Variants in PCDHGB4 observed in about 807,000 individuals in gnomAD.
PCDHGB4 encodes the protein protocadherin gamma-B4.
PCDHGB4 carries 38 observed loss-of-function variants against 60.5 expected under a neutral mutation model. The ratio of observed to expected loss-of-function variants is 0.63; its 90% CI spans 0.48 to 0.82. The LOEUF (loss-of-function observed/expected upper bound fraction) is 0.82, where lower values mean the gene tolerates loss of function less well. PCDHGB4 is among the 40% of genes least tolerant of loss of function. PCDHGB4 has a pLI of 0.00. For missense variants in PCDHGB4, 1,109 were observed against 1,209.6 expected (o/e 0.92, Z 1.23); for synonymous variants, 456 against 509.7 (o/e 0.89, Z 1.42).
At chr5:141,498,372 C>A (rs1008996197) in intron 2 of PCDHGB4, among the ~76,000 whole-genome samples, 3 of 151,730 alleles carry the variant, frequency 2.0e-5, no homozygotes, top group Admixed American at 1.3e-4. Flanking sequence ...GTGGTGAGGC[C>A]TCCTGGGATC....
At position 141,431,851 on chromosome 5, in the gene PCDHGB4, A is replaced by G. The variant is rs2097423722; in HGVS notation, c.2397+41570A>G. 1 of 1,614,264 alleles carries G rather than the reference A, an allele frequency of 6.2e-7. No individual in the cohort carries two copies. The highest frequency in any genetic ancestry group is 1.1e-5 in the South Asian group (1 of 91,088). ...TTCCCGAAAACTCTCCCAGAGGGAC[A>G]TTAATTGCCCTTTTAAATGTAAATG... On this transcript the variant is annotated intron_variant, in intron 1 of 3. Coordinates refer to ENST00000519479, the MANE Select transcript of PCDHGB4 (RefSeq NM_003736.4). This position sits in a 1 kb window ranked among gnomAD's most constrained non-coding sequence, Gnocchi z 4.8.
chr5:141,423,753 G>A (rs758300730), intron 1 of PCDHGB4: 1 of 626,096 alleles, frequency 1.6e-6, no homozygotes, highest in Non-Finnish European at 2.0e-6. Context: ...AACTGTTTGG[G>A]GGGGGGGTGG....
At chr5:141,501,516 C>A (rs763346187) in intron 2 of PCDHGB4, among the ~76,000 whole-genome samples, 1 of 152,010 alleles carries the variant, frequency 6.6e-6, no homozygotes, top group Non-Finnish European at 1.5e-5. Flanking sequence ...GGCCTCCAAG[C>A]TGAAGCCCAG....
chr5:141,395,788 C>A (rs1254748153), intron 1 of PCDHGB4: 2 of 152,198 alleles, frequency 1.3e-5, no homozygotes, highest in African/African-American at 4.8e-5. Context: ...AACTTTAATA[C>A]TTCTTACCAT....
rs764070772 is a variant in PCDHGB4, at chr5:141,476,415, C to T, written c.2398-18392C>T. ...CTGGATCGAGAGGAGCTGTGTGGGACACTGCCCTCTTGCACTGTAACTCTG... is the reference window on the plus strand; with the variant it reads ...CTGGATCGAGAGGAGCTGTGTGGGATACTGCCCTCTTGCACTGTAACTCTG... On this transcript the variant is annotated intron_variant, in intron 1 of 3. Transcript: ENST00000519479. This position sits in a 1 kb window ranked among gnomAD's most constrained non-coding sequence, Gnocchi z 7.6. 2.5e-6 allele frequency: 4 copies of T among 1,614,098 alleles called. No homozygotes were observed. The South Asian group carries it at 4.4e-5, about 18-fold the overall frequency.
intron 1 of PCDHGB4, chr5:141,426,320 G>A (rs2096927622): frequency 1.1e-5 from 2 of 175,034 alleles, no homozygotes; most frequent in South Asian, 1.3e-4. Context: ...AGCAGGACCC[G>A]GCAGTGGCAA....
intron 1 of PCDHGB4, chr5:141,430,668 C>T (rs538633559): frequency 1.6e-6 from 2 of 1,243,872 alleles, no homozygotes; most frequent in East Asian, 2.5e-5. Context: ...GGAGCTCTGA[C>T]TTCCCAACTG....
At chr5:141,484,950 T>G in intron 1 of PCDHGB4, 1 of 561,950 alleles carries the variant, frequency 1.8e-6, no homozygotes, top group Non-Finnish European at 3.2e-6. Context: ...GCTCAGCCTA[T>G]TGGCTGAGCC....
chr5:141,390,851 G>T (rs2092239783), intron 1 of PCDHGB4: 1 of 157,664 alleles, frequency 6.3e-6, no homozygotes. Context: ...ATTATATGCA[G>T]TGTACGCTGT....
intron 1 of PCDHGB4, chr5:141,422,871 G>T (rs769543752): frequency 3.7e-6 from 6 of 1,614,098 alleles, no homozygotes; most frequent in Non-Finnish European, 5.1e-6. Context: ...GCAACGTGTC[G>T]CTGAGCCTGT....
intron 1 of PCDHGB4, chr5:141,411,017 A>C (rs140607036): frequency 6.2e-6 from 1 of 162,372 alleles, no homozygotes; most frequent in Non-Finnish European, 1.3e-5. Context: ...CCACAGCTAA[A>C]TTTTTTGTAT....
At chr5:141,444,178 TTTTTTTTTTTG>T in intron 1 of PCDHGB4, among the ~76,000 whole-genome samples, 1 of 134,050 alleles carries the variant, frequency 7.5e-6, no homozygotes, top group Admixed American at 7.5e-5. Flanking sequence ...TTTTTTTTTT[TTTTTTTTTTTG>T]AGATGGAGTT....
intron 1 of PCDHGB4, among the ~76,000 whole-genome samples, chr5:141,469,134 G>T (rs2099192163): frequency 6.6e-6 from 1 of 151,944 alleles, no homozygotes; most frequent in Non-Finnish European, 1.5e-5. Context: ...AAATTAGCCA[G>T]AAATGGTGGC....
At chr5:141,471,504 G>A (rs1487198851) in intron 1 of PCDHGB4, 1 of 152,214 alleles carries the variant, frequency 6.6e-6, no homozygotes, top group Non-Finnish European at 1.5e-5. Flanking sequence ...ATGCAAGAGA[G>A]GGAGTAAAAA....
At chr5:141,399,763 G>A (rs753865606) in intron 1 of PCDHGB4, 8 of 1,613,378 alleles carry the variant, frequency 5.0e-6, no homozygotes, top group Admixed American at 1.7e-5. Context: ...GAGCCTGCGC[G>A]TGTTGGTGGG....
At chr5:141,495,974 CTCTT>C (rs1562171251) in intron 2 of PCDHGB4, among the ~76,000 whole-genome samples, 2 of 152,032 alleles carry the variant, frequency 1.3e-5, no homozygotes, top group Non-Finnish European at 1.5e-5. Context: ...TTCTCTGTTA[CTCTT>C]TCTTTATCTC....
intron 1 of PCDHGB4, among the ~76,000 whole-genome samples, chr5:141,450,322 T>A (rs1246284108): frequency 6.6e-6 from 1 of 152,106 alleles, no homozygotes; most frequent in African/African-American, 2.4e-5. Context: ...CTAGTTGCCA[T>A]GTCTCTTTAA....
chr5:141,403,490 C>T, intron 1 of PCDHGB4: 1 of 1,614,044 alleles, frequency 6.2e-7, no homozygotes, highest in South Asian at 1.1e-5. Flanking sequence ...CCACTTCTCC[C>T]TGAACGTGCA....
At chr5:141,478,247 G>C (rs1377698933) in intron 1 of PCDHGB4, 1 of 1,613,956 alleles carries the variant, frequency 6.2e-7, no homozygotes, top group Non-Finnish European at 8.5e-7. Context: ...CACAGTGTTC[G>C]GAGTAATCAT....
Sources: gnomAD v4.1 joint callset for allele counts (sites outside exome capture counted in the v4.1 genomes callset) on GRCh38, gnomAD v4.1.1 for gene constraint, Gnocchi (gnomAD v3.1) non-coding constraint, MANE v1.5 for transcripts, NCBI Gene and HGNC (gene_info 2026-07-23, HGNC 2026-07-21) for gene names.